Variants in STAT4 observed in about 807,000 individuals in gnomAD.
STAT4 encodes the protein signal transducer and activator of transcription 4.
In STAT4, 42 loss-of-function variants were observed where a neutral mutation model predicts 110.5. The ratio of observed to expected loss-of-function variants is 0.38; its 90% CI spans 0.30 to 0.49. The LOEUF is 0.49. STAT4 is among the 20% of genes least tolerant of loss of function. The probability of loss-of-function intolerance (pLI) is 0.95; values close to 1 mark genes in which losing one functional copy is unlikely to be tolerated. For missense variants in STAT4, 632 were observed against 887.9 expected (o/e 0.71, Z 3.66); for synonymous variants, 284 against 302.2 (o/e 0.94, Z 0.63).
chr2:191,080,973 T>C (rs1697452387), intron 3 of STAT4, among the ~76,000 whole-genome samples: 1 of 152,186 alleles, frequency 6.6e-6, no homozygotes, highest in South Asian at 2.1e-4. Context: ...GTATTTCTCC[T>C]AATGCTATCC....
Position 191,032,993 on chromosome 2 carries a change from G to C in STAT4, c.2009C>G (p.Ala670Gly). ...YLYPDIPKDK[A>G]FGKHYSSQPC... ...CTGAGAGCTGTAGTGTTTACCGAAG[G>C]CTTTGTCTTTGGGAATGTCAGGATA... The change falls in exon 21 of 24, where the codon GCC becomes GGC. Residue 670 changes from alanine (A) to glycine (G), a missense_variant. By Grantham distance (60) the Ala-to-Gly change is moderately conservative. Transcript: ENST00000392320. This position sits in a 1 kb window ranked among gnomAD's most constrained non-coding sequence, Gnocchi z 4.9. 1 of 1,614,160 alleles carries C rather than the reference G, an allele frequency of 6.2e-7. No individual in the cohort carries two copies. The highest frequency in any genetic ancestry group is 1.1e-5 in the South Asian group (1 of 91,088).
rs1697126001 is a variant in STAT4 at position 191,070,854 on chromosome 2, T to C, written c.466-1083A>G. Among the ~76,000 whole-genome samples, 10 of 147,676 alleles carry C rather than the reference T, an allele frequency of 6.8e-5. No individual in the cohort carries two copies. The Admixed American group carries it at 6.9e-4, about 10-fold the overall frequency. On this transcript the variant is annotated intron_variant, in intron 5 of 23. Coordinates refer to ENST00000392320, the MANE Select transcript of STAT4 (RefSeq NM_003151.4). ...TAGCTTCTTTGCCTGTAAAAAGGGG[T>C]GTGGGGGTGGGACGAAGAAGGATAA...
At chr2:191,100,832 C>A (rs1252334584) in intron 3 of STAT4, among the ~76,000 whole-genome samples, 3 of 151,454 alleles carry the variant, frequency 2.0e-5, no homozygotes, top group Non-Finnish European at 4.4e-5. Flanking sequence ...TATTTTATAA[C>A]CTCTGGGCTT....
intron 3 of STAT4, among the ~76,000 whole-genome samples, chr2:191,127,709 A>T (rs1411855263): frequency 6.6e-6 from 1 of 152,240 alleles, no homozygotes; most frequent in Non-Finnish European, 1.5e-5. Flanking sequence ...CTTTTAAGAA[A>T]TCCAAGCTGT....
At chr2:191,094,747 C>T (rs1697913564) in intron 3 of STAT4, among the ~76,000 whole-genome samples, 1 of 151,956 alleles carries the variant, frequency 6.6e-6, no homozygotes, top group Admixed American at 6.6e-5. Context: ...ACAACATTAA[C>T]CTTAAATGTA....
chr2:191,054,121 C>A (rs1696605315), intron 14 of STAT4, among the ~76,000 whole-genome samples: 1 of 135,928 alleles, frequency 7.4e-6, no homozygotes, highest in Non-Finnish European at 1.5e-5. Flanking sequence ...GAGTGAGACC[C>A]TTCTCAAAAA....
At chr2:191,131,953 A>T (rs1197308417) in intron 3 of STAT4, 8 of 1,292,410 alleles carry the variant, frequency 6.2e-6, no homozygotes, top group South Asian at 2.6e-5. Flanking sequence ...GGTGTGTGTT[A>T]TCTAGATTTA....
intron 14 of STAT4, among the ~76,000 whole-genome samples, chr2:191,047,760 G>A (rs1696390763): frequency 2.0e-5 from 3 of 152,158 alleles, no homozygotes; most frequent in South Asian, 2.1e-4. Flanking sequence ...CCACCTCCCG[G>A]GTTCAAGCGA....
At position 191,032,237 on chromosome 2, in the gene STAT4, C is replaced by G. The variant is rs943352813; in HGVS notation, c.2044+721G>C. ...CTGTAGGATATTCTACATGATGGTG[C>G]CCAAAGATTTAGTGCTATAGATGAA... On this transcript the variant is annotated intron_variant, in intron 21 of 23. Transcript: ENST00000392320. This position sits in a 1 kb window ranked among gnomAD's most constrained non-coding sequence, Gnocchi z 4.9. The G allele has an allele frequency of 3.3e-5, 5 of 152,058 alleles. No individual in the cohort carries two copies. Among genetic ancestry groups the G allele is most frequent in the Non-Finnish European group, 5.9e-5 (4 of 68,026 alleles). The allele number at this position is 152,058 out of a possible 1,614,324, so 9.4% of individuals were successfully genotyped here.
At chr2:191,055,097 C>T (rs1438039662) in intron 13 of STAT4, among the ~76,000 whole-genome samples, 1 of 151,722 alleles carries the variant, frequency 6.6e-6, no homozygotes, top group African/African-American at 2.4e-5. Flanking sequence ...TTTTAAAATA[C>T]ATATATAATT....
intron 14 of STAT4, among the ~76,000 whole-genome samples, chr2:191,049,190 TGA>T (rs1696447268): frequency 1.4e-5 from 2 of 141,770 alleles, no homozygotes; most frequent in Non-Finnish European, 3.1e-5. Context: ...TTTTTTTTTT[TGA>T]GAGATGGAGT....
At position 191,135,472 on chromosome 2, in the gene STAT4, T is replaced by C. The variant is rs900936442; in HGVS notation, c.273+11141A>G. Among the ~76,000 whole-genome samples, 1 of 152,266 alleles carries C rather than the reference T, an allele frequency of 6.6e-6. No individual in the cohort carries two copies. Among genetic ancestry groups the C allele is most frequent in the South Asian group, 2.1e-4 (1 of 4,824 alleles). ...GAATTCTTTGTTGTTGTTGTTGTTA[T>C]TGTTTTTGTTTGTTTGTTTGAGATG... On this transcript the variant is annotated intron_variant, in intron 3 of 23. Transcript: ENST00000392320. The surrounding 1 kb of genome is among the most constrained non-coding windows in gnomAD (Gnocchi z 4.8).
Position 191,033,861 on chromosome 2 carries a change from GA to G in STAT4, c.1715+49del. On this transcript the variant is annotated intron_variant, in intron 19 of 23. Coordinates refer to ENST00000392320, the MANE Select transcript of STAT4 (RefSeq NM_003151.4). The surrounding 1 kb of genome is among the most constrained non-coding windows in gnomAD (Gnocchi z 6.9). ...AGAAAGAAGAAAACCAATAACAACA[GA>G]AAAAAAGAACATAATTAACTCATAT... The G allele has an allele frequency of 6.8e-7, 1 of 1,474,396 alleles. No homozygotes were observed. Among genetic ancestry groups the G allele is most frequent in the Non-Finnish European group, 9.2e-7 (1 of 1,082,842 alleles). The allele number at this position is 1,474,396 out of a possible 1,614,324, so 91.3% of individuals were successfully genotyped here.
intron 3 of STAT4, among the ~76,000 whole-genome samples, chr2:191,141,663 C>T (rs58535990): frequency 1.5e-3 from 225 of 150,534 alleles, no homozygotes; most frequent in African/African-American, 5.3e-3. Context: ...CAGAGTCTTG[C>T]TGTGTTGTCC....
At chr2:191,133,046 G>A (rs955521521) in intron 3 of STAT4, among the ~76,000 whole-genome samples, 3 of 151,358 alleles carry the variant, frequency 2.0e-5, no homozygotes, top group African/African-American at 7.3e-5. Flanking sequence ...GGGCCACTGC[G>A]CCTGGCGGTT....
rs1356535758 is a variant in STAT4 at position 191,061,848 on chromosome 2, C to A, written c.942-27G>T. On this transcript the variant is annotated intron_variant, in intron 9 of 23. Transcript: ENST00000392320. This position sits in a 1 kb window ranked among gnomAD's most constrained non-coding sequence, Gnocchi z 6.2. ...TAGATGAAAAGGAAATAAAGCGCAT[C>A]ATTTGAAAACACTGAAAATATTGAG... The A allele has an allele frequency of 6.3e-7, 1 of 1,592,814 alleles. No individual in the cohort carries two copies. The highest frequency in any genetic ancestry group is 1.3e-5 in the African/African-American group (1 of 74,136).
At chr2:191,145,831 G>A (rs953783770) in intron 3 of STAT4, among the ~76,000 whole-genome samples, 1 of 152,118 alleles carries the variant, frequency 6.6e-6, no homozygotes, top group Non-Finnish European at 1.5e-5. Flanking sequence ...TATTATAGCA[G>A]TCCATGGTCA....
rs147439550 is a variant in STAT4, at chr2:191,043,687, A to C, written c.1252-2539T>G. ...TATAGTAGAACTGCTTAGAATGCTAAAATGATTCATCAATAGGAGAATAGC... is the reference window on the plus strand; with the variant it reads ...TATAGTAGAACTGCTTAGAATGCTACAATGATTCATCAATAGGAGAATAGC... On this transcript the variant is annotated intron_variant, in intron 14 of 23. Coordinates refer to ENST00000392320, the MANE Select transcript of STAT4 (RefSeq NM_003151.4). This position sits in a 1 kb window ranked among gnomAD's most constrained non-coding sequence, Gnocchi z 4.8. 2.6e-5 allele frequency among the ~76,000 whole-genome samples: 4 copies of C among 152,318 alleles called. No homozygotes were observed. The highest frequency in any genetic ancestry group is 4.8e-5 in the African/African-American group (2 of 41,572).
In STAT4 at chr2:191,146,942, A is replaced by G. The variant is rs1456494590; in HGVS notation, c.129-185T>C. The stretch of plus-strand genomic sequence containing the variant: ...TAATCATTAGGGAATTTCAAGTGAA[A>G]ATCAGAGTAAGATACCACTTCATAC... On this transcript the variant is annotated intron_variant, in intron 2 of 23. Coordinates refer to ENST00000392320, the MANE Select transcript of STAT4 (RefSeq NM_003151.4). The surrounding 1 kb of genome is among the most constrained non-coding windows in gnomAD (Gnocchi z 4.5). 1.3e-5 allele frequency among the ~76,000 whole-genome samples: 2 copies of G among 152,208 alleles called. No individual in the cohort carries two copies. The highest frequency in any genetic ancestry group is 4.8e-5 in the African/African-American group (2 of 41,452).
Sources: allele counts gnomAD v4.1 joint callset (sites outside exome capture counted in the v4.1 genomes callset), GRCh38; gene constraint gnomAD v4.1.1; non-coding constraint Gnocchi (gnomAD v3.1); transcripts MANE v1.5; gene names NCBI Gene and HGNC (gene_info 2026-07-23, HGNC 2026-07-21).